The following CPT1C variants were observed in gnomAD, a reference collection of about 807,000 sequenced individuals.
CPT1C encodes the protein carnitine palmitoyltransferase 1C, also known as palmitoyl thioesterase CPT1C.
Under a neutral mutation model 97.3 loss-of-function variants are expected in CPT1C, and 61 were observed. The ratio of observed to expected loss-of-function variants is 0.63; its 90% CI spans 0.51 to 0.78. The LOEUF (loss-of-function observed/expected upper bound fraction) is 0.78. CPT1C is among the 30% of genes least tolerant of loss of function. The probability of loss-of-function intolerance (pLI) is 0.00; values close to 1 mark genes in which losing one functional copy is unlikely to be tolerated. For synonymous variants in CPT1C, 469 were observed against 447.2 expected (o/e 1.05, Z -0.61); for missense variants, 975 against 1,065.5 (o/e 0.92, Z 1.18).
intron 4 of CPT1C, among the ~76,000 whole-genome samples, chr19:49,698,212 A>G: frequency 6.6e-6 from 1 of 151,848 alleles, no homozygotes; most frequent in Non-Finnish European, 1.5e-5. Flanking sequence ...TAAAAATAAC[A>G]AAAAATTAGC....
rs894535879 is a variant in CPT1C at position 49,704,698 on chromosome 19, C to T, written c.694-12C>T. 1.2e-6 allele frequency: 2 copies of T among 1,612,468 alleles called. No individual in the cohort carries two copies. The highest frequency in any genetic ancestry group is 1.7e-6 in the Non-Finnish European group (2 of 1,178,866). ...CAGCCCCTCACTGTGTGTCTCCCCACCCCGCTCCCAGGTCAGTGACTGGTG... is the reference window on the plus strand; with the variant it reads ...CAGCCCCTCACTGTGTGTCTCCCCATCCCGCTCCCAGGTCAGTGACTGGTG... On this transcript the variant is annotated splice_polypyrimidine_tract_variant and intron_variant, in intron 7 of 19. Transcript: ENST00000598293.
At position 49,705,941 on chromosome 19, in the gene CPT1C, G is replaced by A. The variant is rs759027864; in HGVS notation, c.997G>A (p.Val333Met). 5 of 1,613,604 alleles carry A rather than the reference G, an allele frequency of 3.1e-6. No individual in the cohort carries two copies. The highest frequency in any genetic ancestry group is 1.7e-5 in the Admixed American group (1 of 59,956). ...CCGCCACCTCCATGACAGCCAACAC[G>A]TGGCTGTCTTCCACCGGGGCCGATT... is the stretch of plus-strand genomic sequence containing the variant. ...YIRHLHDSQH[V>M]AVFHRGRFFR... Residue 333 changes from valine (V) to methionine (M), a missense_variant, in exon 11 of 20, where the codon GTG becomes ATG. By Grantham distance (21) the Val-to-Met change is conservative (BLOSUM62 1). This residue lies in a region of CPT1C where 596 missense variants were observed against 603.1 expected (regional missense o/e 0.99). Coordinates refer to ENST00000598293, the MANE Select transcript of CPT1C (RefSeq NM_001199753.2).
intron 8 of CPT1C, 101 bp downstream of exon 8, chr19:49,704,888 G>A (rs907198310): frequency 6.4e-6 from 9 of 1,410,456 alleles, no homozygotes; most frequent in South Asian, 4.7e-5. Context: ...ATCTAGACGC[G>A]CCATCTGGGA....
chr19:49,709,585 C>T (rs1425710903), intron 14 of CPT1C, among the ~76,000 whole-genome samples: 6 of 150,184 alleles, frequency 4.0e-5, no homozygotes, highest in African/African-American at 9.8e-5. Context: ...GATGGAGTCC[C>T]GCTCTGTCAC....
intron 18 of CPT1C, 24 bp downstream of exon 18, chr19:49,712,873 C>T: frequency 1.3e-6 from 2 of 1,598,126 alleles, no homozygotes; most frequent in Non-Finnish European, 1.7e-6. Flanking sequence ...GGCGCGCTGG[C>T]CCCCAGAGGA....
chr19:49,708,690 G>C, intron 13 of CPT1C, 33 bp from the exon 14 acceptor site: 1 of 1,512,722 alleles, frequency 6.6e-7, no homozygotes, highest in Non-Finnish European at 9.2e-7. Flanking sequence ...CCACAGGGAG[G>C]AAGGGACTCT....
At chr19:49,698,851 C>T (rs2082825983) in intron 4 of CPT1C, among the ~76,000 whole-genome samples, 1 of 151,946 alleles carries the variant, frequency 6.6e-6, no homozygotes, top group Non-Finnish European at 1.5e-5. Flanking sequence ...ACCTGTAATC[C>T]CAGCACTTTG....
intron 14 of CPT1C, 108 bp downstream of exon 14, chr19:49,708,947 C>A (rs2083675050): frequency 1.4e-6 from 1 of 710,724 alleles, no homozygotes; most frequent in Non-Finnish European, 2.4e-6. Context: ...CCATTCCTAC[C>A]CCCAACCCGA....
At chr19:49,700,115 T>C (rs753269125) in intron 4 of CPT1C, among the ~76,000 whole-genome samples, 22 of 148,200 alleles carry the variant, frequency 1.5e-4, no homozygotes, top group South Asian at 6.4e-4. Context: ...GGCGTGGTGG[T>C]GGGCACCTGT....
rs371096624 is a variant in CPT1C at position 49,707,484 on chromosome 19, G to A, written c.1344-34G>A. 1.1e-4 allele frequency: 163 copies of A among 1,521,616 alleles called. 2 individuals are homozygous for A. The highest frequency in any genetic ancestry group is 5.1e-4 in the Middle Eastern group (3 of 5,888). The allele number at this position is 1,521,616 out of a possible 1,614,324, so 94.3% of individuals were successfully genotyped here. A position where few individuals can be genotyped will look rare whatever the true frequency, so the allele number is the denominator to read the frequency against. ...GCACTCTGAGGTCCCCGTGCCCCTC[G>A]CTCTTGGTGACCCATCTGAACTCTC... On this transcript the variant is annotated intron_variant, in intron 12 of 19. Coordinates refer to ENST00000598293, the MANE Select transcript of CPT1C (RefSeq NM_001199753.2).
At chr19:49,702,756 T>TCCC (rs1211969768) in intron 7 of CPT1C, among the ~76,000 whole-genome samples, 44 of 151,504 alleles carry the variant, frequency 2.9e-4, no homozygotes, top group Admixed American at 2.4e-3. Flanking sequence ...ATGGGAGGGT[T>TCCC]TGGAGCAGGG....
Position 49,705,267 on chromosome 19 carries a change from C to T in CPT1C, c.933C>T (p.Phe311=). ...PLCSAQYEKI[F]NTTRIPGVQK... is the part of the protein sequence containing the mutation. The stretch of plus-strand genomic sequence containing the variant: ...GCTCTGCCCAGTACGAGAAGATCTT[C>T]AACACCACGCGGATTCCAGGGGTCC... Residue 311 remains phenylalanine (F), a synonymous_variant, in exon 10 of 20, where the codon TTC becomes TTT. Transcript: ENST00000598293. The T allele has an allele frequency of 6.2e-7, 1 of 1,606,658 alleles. No homozygotes were observed. The highest frequency in any genetic ancestry group is 8.5e-7 in the Non-Finnish European group (1 of 1,174,090).
Position 49,705,292 on chromosome 19 carries a change from C to A in CPT1C, c.958C>A (p.Gln320Lys). ...IFNTTRIPGVQKDYIRHLHDS... is the reference protein window; with the variant it reads ...IFNTTRIPGVKKDYIRHLHDS... ...CAACACCACGCGGATTCCAGGGGTC[C>A]AAAAAGGTGAGACCCTCTCCTGTCC... The change falls in exon 10 of 20, where the codon CAA becomes AAA. Residue 320 changes from glutamine (Q) to lysine (K), a missense_variant. This residue lies in a region of CPT1C where 596 missense variants were observed against 603.1 expected (regional missense o/e 0.99). Transcript: ENST00000598293. 6.3e-7 allele frequency: 1 copy of A among 1,592,692 alleles called. No homozygotes were observed.
Position 49,706,710 on chromosome 19 carries a change from A to T in CPT1C, c.1343+297A>T, listed in dbSNP as rs1175176130. On this transcript the variant is annotated intron_variant, in intron 12 of 19. Transcript: ENST00000598293. The surrounding 1 kb of genome is among the most constrained non-coding windows in gnomAD (Gnocchi z 4.8). ...CGACCCAGAGAACTCAGCATCACAG[A>T]CCCAGAGACCCCAGATCTGAGGACC... Among the ~76,000 whole-genome samples, 3 of 151,962 alleles carry T rather than the reference A, an allele frequency of 2.0e-5. No individual in the cohort carries two copies. The East Asian group carries it at 5.8e-4, about 29-fold the overall frequency.
intron 3 of CPT1C, among the ~76,000 whole-genome samples, chr19:49,695,804 A>C (rs2082638854): frequency 1.3e-5 from 2 of 151,502 alleles, no homozygotes; most frequent in Admixed American, 1.3e-4. Context: ...GATGGTCTCG[A>C]TCTCTTGACC....
chr19:49,712,511 G>C (rs2083960799), intron 17 of CPT1C: 3 of 566,102 alleles, frequency 5.3e-6, no homozygotes, highest in South Asian at 4.0e-5. Flanking sequence ...GTGGTCAGAG[G>C]AGGGGCGTGG....
intron 16 of CPT1C, chr19:49,711,386 C>T (rs546537663): frequency 5.5e-4 from 92 of 168,284 alleles, no homozygotes; most frequent in African/African-American, 2.0e-3. Flanking sequence ...GGATTACAGG[C>T]GTGAGCCAAT....
Position 49,712,565 on chromosome 19 carries a change from C to T in CPT1C, c.2020-171C>T, listed in dbSNP as rs2083967067. 5 of 604,848 alleles carry T rather than the reference C, an allele frequency of 8.3e-6. No homozygotes were observed. In the Admixed American group the frequency reaches 1.1e-4, roughly 13 times the overall value. The allele number at this position is 604,848 out of a possible 1,614,324, so 37.5% of individuals were successfully genotyped here. ...AGGGACGTGGGTGTGGGTGGTGAGA[C>T]GAGTGAGGGGCGTGGCCAGATAGGG... is the stretch of plus-strand genomic sequence containing the variant. On this transcript the variant is annotated intron_variant, in intron 17 of 19. Transcript: ENST00000598293.
intron 7 of CPT1C, among the ~76,000 whole-genome samples, chr19:49,703,665 C>G (rs920823704): frequency 6.9e-6 from 1 of 145,204 alleles, no homozygotes; most frequent in African/African-American, 2.5e-5. Flanking sequence ...AGGGGTCTCA[C>G]TCTGTCACCC....
Sources: allele counts gnomAD v4.1 joint callset (sites outside exome capture counted in the v4.1 genomes callset), GRCh38; gene constraint gnomAD v4.1.1; regional missense constraint gnomAD v4.1.1; non-coding constraint Gnocchi (gnomAD v3.1); transcripts MANE v1.5; gene names NCBI Gene and HGNC (gene_info 2026-07-23, HGNC 2026-07-21).